Variants in CADM2 observed in about 807,000 individuals in gnomAD.
CADM2 encodes the protein immunoglobulin superfamily member 4D.
CADM2 carries 12 observed loss-of-function variants against 49.8 expected under a neutral mutation model. The observed-to-expected ratio is 0.24, with a 90% CI of 0.15 to 0.39. The LOEUF (loss-of-function observed/expected upper bound fraction) is 0.39. CADM2 is among the 10% of genes least tolerant of loss of function. CADM2 has a pLI of 1.00. For synonymous variants in CADM2, 214 were observed against 175.4 expected, an observed-to-expected ratio of 1.22 and a Z score of -1.74; for missense variants, 378 against 492.3, an observed-to-expected ratio of 0.77 and a Z score of 2.20.
chr3:85,933,021 T>A (rs924532585), intron 6 of CADM2, among the ~76,000 whole-genome samples: 2 of 152,194 alleles, frequency 1.3e-5, no homozygotes, highest in Non-Finnish European at 2.9e-5. Context: ...TCGCCTCTCC[T>A]GTACTGCTTA....
intron 1 of CADM2, among the ~76,000 whole-genome samples, chr3:85,655,160 ATT>A (rs11401179): frequency 1.4e-5 from 2 of 147,068 alleles, no homozygotes; most frequent in Admixed American, 6.8e-5. Context: ...CACCTTGGTA[ATT>A]TTTTTTTTTT....
intron 1 of CADM2, among the ~76,000 whole-genome samples, chr3:85,107,865 A>G (rs1289028380): frequency 6.6e-6 from 1 of 151,340 alleles, no homozygotes; most frequent in Admixed American, 6.6e-5. Context: ...ACACCCAGCT[A>G]ATTTTTTGTA....
At chr3:84,999,578 G>C (rs542093362) in intron 1 of CADM2, among the ~76,000 whole-genome samples, 2 of 152,240 alleles carry the variant, frequency 1.3e-5, no homozygotes, top group Admixed American at 6.6e-5. Flanking sequence ...AATGTAGCAT[G>C]AAATAGACCT....
At chr3:85,153,527 T>A (rs898386066) in intron 1 of CADM2, among the ~76,000 whole-genome samples, 3 of 152,144 alleles carry the variant, frequency 2.0e-5, no homozygotes, top group Non-Finnish European at 4.4e-5. Flanking sequence ...CGCCCGCCAT[T>A]GCCCAGGCTT....
At chr3:85,245,753 T>C (rs1027779380) in intron 1 of CADM2, among the ~76,000 whole-genome samples, 2 of 152,246 alleles carry the variant, frequency 1.3e-5, no homozygotes, top group African/African-American at 4.8e-5. Flanking sequence ...TCTTTATAAA[T>C]GCATTAGCTA....
intron 1 of CADM2, among the ~76,000 whole-genome samples, chr3:85,668,339 C>CA (rs1255970204): frequency 2.7e-5 from 3 of 111,534 alleles, no homozygotes; most frequent in Non-Finnish European, 3.8e-5. Context: ...CACAAACAAA[C>CA]AAAAAAACAC....
chr3:85,844,893 G>A lies in CADM2; in HGVS notation c.239-38398G>A, dbSNP rs190365653. 3.1e-3 allele frequency among the ~76,000 whole-genome samples: 467 copies of A among 152,040 alleles called. 1 individual carries two copies. Among genetic ancestry groups the A allele is most frequent in the Non-Finnish European group, 5.0e-3 (339 of 67,968 alleles). ...AGTCCAGGCGTGGTGGCTCACACTT[G>A]TAATACCAGCACTTTGGGAGGCTGG... On this transcript the variant is annotated intron_variant, in intron 3 of 9. Transcript: ENST00000383699.
At chr3:85,340,452 A>G (rs949166244) in intron 1 of CADM2, among the ~76,000 whole-genome samples, 4 of 151,566 alleles carry the variant, frequency 2.6e-5, no homozygotes, top group Non-Finnish European at 5.9e-5. Context: ...TTGTGTGTGT[A>G]CATATATATG....
intron 1 of CADM2, among the ~76,000 whole-genome samples, chr3:85,439,759 G>A (rs62250693): frequency 0.096 from 14,661 of 151,944 alleles, 853 homozygotes; most frequent in South Asian, 0.17. Context: ...TAAAGAATAT[G>A]TGCTAAAAAG....
intron 1 of CADM2, among the ~76,000 whole-genome samples, chr3:85,218,900 CCTAGCTGA>C (rs1214347140): frequency 1.1e-4 from 17 of 152,208 alleles, no homozygotes; most frequent in African/African-American, 4.1e-4. Flanking sequence ...ATCTAGTTAC[CCTAGCTGA>C]CTGCCCTATC....
chr3:85,768,298 T>A (rs1048606503), intron 2 of CADM2, among the ~76,000 whole-genome samples: 7 of 151,712 alleles, frequency 4.6e-5, no homozygotes, highest in Non-Finnish European at 8.8e-5. Flanking sequence ...ATAGAAAAAT[T>A]AGCCGGGTCT....
At chr3:85,327,706 A>C (rs1227835652) in intron 1 of CADM2, among the ~76,000 whole-genome samples, 1 of 152,238 alleles carries the variant, frequency 6.6e-6, no homozygotes, top group African/African-American at 2.4e-5. Flanking sequence ...TTATTTCATT[A>C]TAACTATTCT....
At chr3:85,776,855 A>C (rs2107976206) in intron 2 of CADM2, among the ~76,000 whole-genome samples, 1 of 152,232 alleles carries the variant, frequency 6.6e-6, no homozygotes, top group Middle Eastern at 3.4e-3. Context: ...GAGAAAAATG[A>C]ATCCCAGTTA....
chr3:85,788,000 C>T (rs969039436), intron 2 of CADM2, among the ~76,000 whole-genome samples: 2 of 152,086 alleles, frequency 1.3e-5, no homozygotes, highest in Non-Finnish European at 2.9e-5. Flanking sequence ...ACATTCTTGA[C>T]CTCAGGCTAT....
chr3:85,927,385 A>C lies in CADM2; in HGVS notation c.701-8382A>C, dbSNP rs1720008901. Among the ~76,000 whole-genome samples, 4 of 152,136 alleles carry C rather than the reference A, an allele frequency of 2.6e-5. No individual in the cohort carries two copies. The South Asian group carries it at 8.3e-4, about 32-fold the overall frequency. On this transcript the variant is annotated intron_variant, in intron 6 of 9. Transcript: ENST00000383699. ...GCCAAACACTGAGTAGCACCGTTTA[A>C]GACTAATACCTGATCTTGAGGGACC...
intron 1 of CADM2, among the ~76,000 whole-genome samples, chr3:85,720,211 T>C (rs1192737298): frequency 6.6e-6 from 1 of 152,186 alleles, no homozygotes; most frequent in Non-Finnish European, 1.5e-5. Context: ...TGACTATTTT[T>C]TTTGTCCCCT....
intron 1 of CADM2, among the ~76,000 whole-genome samples, chr3:85,552,424 A>G (rs1293865358): frequency 8.5e-6 from 1 of 118,136 alleles, no homozygotes; most frequent in East Asian, 2.7e-4. Flanking sequence ...CTTGTTGCCC[A>G]GGCTGGAGTG....
intron 1 of CADM2, among the ~76,000 whole-genome samples, chr3:85,133,328 T>G (rs528554825): frequency 2.0e-5 from 3 of 152,180 alleles, no homozygotes; most frequent in Admixed American, 2.0e-4. Context: ...TAGAGCCCAG[T>G]GGTCTGTTTT....
At chr3:85,451,971 C>T (rs187740423) in intron 1 of CADM2, among the ~76,000 whole-genome samples, 1 of 152,106 alleles carries the variant, frequency 6.6e-6, no homozygotes, top group Admixed American at 6.5e-5. Flanking sequence ...CACTAGTTCA[C>T]TCTCGGGCAA....
Sources: allele counts gnomAD v4.1 joint callset (sites outside exome capture counted in the v4.1 genomes callset), GRCh38; gene constraint gnomAD v4.1.1; transcripts MANE v1.5; gene names NCBI Gene and HGNC (gene_info 2026-07-23, HGNC 2026-07-21).